Variants in CAPS2 observed in about 807,000 individuals in gnomAD.
CAPS2 encodes calcyphosine 2.
Under a neutral mutation model 86.5 loss-of-function variants are expected in CAPS2, and 98 were observed. That is an observed-to-expected ratio of 1.13 (90% CI 0.96 to 1.34). The LOEUF is 1.34. CAPS2 is among the 40% of genes most tolerant of loss of function. The probability of loss-of-function intolerance (pLI) is 0.00; values close to 1 mark genes in which losing one functional copy is unlikely to be tolerated. For synonymous variants in CAPS2, 210 were observed against 225.1 expected (o/e 0.93, Z 0.60); for missense variants, 729 against 686.8 (o/e 1.06, Z -0.69).
At chr12:75,378,889 G>A (rs554635665) in intron 1 of CAPS2, among the ~76,000 whole-genome samples, 28 of 152,160 alleles carry the variant, frequency 1.8e-4, no homozygotes, top group African/African-American at 6.5e-4. Flanking sequence ...TTTTAGTAAC[G>A]TAAGCTTTCA....
chr12:75,290,816 G>A (rs968602964), intron 13 of CAPS2, among the ~76,000 whole-genome samples: 1 of 151,880 alleles, frequency 6.6e-6, no homozygotes, highest in East Asian at 1.9e-4. Context: ...TGGCTACTCA[G>A]GAGGCTTGAG....
At chr12:75,328,886 A>G (rs1355978523), upstream of CAPS2, among the ~76,000 whole-genome samples, 1 of 152,244 alleles carries the variant, frequency 6.6e-6, no homozygotes, top group Non-Finnish European at 1.5e-5. Context: ...AGATATAGTA[A>G]GAGTATTCAA....
chr12:75,366,703 A>T, intron 1 of CAPS2: 1 of 548,462 alleles, frequency 1.8e-6, no homozygotes, highest in Non-Finnish European at 3.2e-6. Flanking sequence ...TTTGTGTTGC[A>T]GATCAATGTG....
chr12:75,368,505 G>T (rs4882690), intron 1 of CAPS2, among the ~76,000 whole-genome samples: 148,239 of 152,060 alleles, frequency 0.97, 72,281 homozygotes, highest in East Asian at 1. Flanking sequence ...GATGCCCCAG[G>T]AATACAATAT....
intron 1 of CAPS2, among the ~76,000 whole-genome samples, chr12:75,387,362 TAC>T (rs2045345116): frequency 1.3e-5 from 2 of 152,124 alleles, no homozygotes; most frequent in South Asian, 4.1e-4. Context: ...GAAATACCAC[TAC>T]ACACCTTTTA....
intron 14 of CAPS2, among the ~76,000 whole-genome samples, chr12:75,287,110 A>T (rs1270263048): frequency 6.6e-6 from 1 of 150,600 alleles, no homozygotes; most frequent in Non-Finnish European, 1.5e-5. Context: ...ATATATATAT[A>T]TTATATATAT....
At chr12:75,282,154 C>A in intron 16 of CAPS2, 97 bp downstream of exon 16, 1 of 733,970 alleles carries the variant, frequency 1.4e-6, no homozygotes, top group South Asian at 1.6e-5. Context: ...TATTTCCTCC[C>A]TAATGGCCTC....
At chr12:75,294,770 AAGG>A (rs1274993308) in intron 11 of CAPS2, among the ~76,000 whole-genome samples, 2 of 152,162 alleles carry the variant, frequency 1.3e-5, no homozygotes, top group African/African-American at 4.8e-5. Context: ...TCGGGATAGG[AAGG>A]AGGTGAGCCC....
intron 11 of CAPS2, among the ~76,000 whole-genome samples, chr12:75,297,529 C>T (rs2037109660): frequency 6.6e-6 from 1 of 152,092 alleles, no homozygotes; most frequent in South Asian, 2.1e-4. Flanking sequence ...CCTATCCTGC[C>T]CTTGTGTATC....
At chr12:75,306,241 A>C in intron 7 of CAPS2, 3 of 647,842 alleles carry the variant, frequency 4.6e-6, no homozygotes, top group Non-Finnish European at 8.2e-6. Flanking sequence ...CGAACATGCA[A>C]ATCATGGAGT....
chr12:75,350,420 A>G (rs2042728951), intron 1 of CAPS2, among the ~76,000 whole-genome samples: 1 of 152,170 alleles, frequency 6.6e-6, no homozygotes, highest in Non-Finnish European at 1.5e-5. Flanking sequence ...AGGGGTCTCC[A>G]GGCACTGCAT....
Position 75,378,128 on chromosome 12 carries a change from G to C in CAPS2, c.-395+12710C>G, listed in dbSNP as rs1037991024. On this transcript the variant is annotated intron_variant, in intron 1 of 5. Transcript: ENST00000551829. The stretch of plus-strand genomic sequence containing the variant: ...TTCTCCCACCTCAGCCTCCCGAGTA[G>C]CTGGGACCACTGGCACGTGCCACCA... Among the ~76,000 whole-genome samples, 7 of 152,090 alleles carry C rather than the reference G, an allele frequency of 4.6e-5. No homozygotes were observed. The South Asian group carries it at 1.5e-3, about 32-fold the overall frequency.
chr12:75,331,501 T>C (rs1593601292), upstream of CAPS2, among the ~76,000 whole-genome samples: 3 of 151,876 alleles, frequency 2.0e-5, no homozygotes, highest in African/African-American at 7.2e-5. Flanking sequence ...TACCCCCACA[T>C]AGAAAGAAAA....
At chr12:75,343,722 T>C in intron 1 of CAPS2, 2 of 1,611,874 alleles carry the variant, frequency 1.2e-6, no homozygotes, top group Non-Finnish European at 1.7e-6. Context: ...CAAAGATGGC[T>C]AAAGCATGGG....
chr12:75,338,064 T>C (rs769975484), intron 1 of CAPS2, among the ~76,000 whole-genome samples: 14 of 152,108 alleles, frequency 9.2e-5, no homozygotes, highest in African/African-American at 4.8e-5. Flanking sequence ...ACCAATCTTA[T>C]ACAAATCTCT....
chr12:75,330,935 C>A (rs930731826), upstream of CAPS2, among the ~76,000 whole-genome samples: 3 of 152,098 alleles, frequency 2.0e-5, no homozygotes, highest in African/African-American at 7.2e-5. Context: ...CATGCGCCCA[C>A]CACCACGCCC....
chr12:75,334,430 C>CG (rs1382934044), upstream of CAPS2: 28 of 1,162,660 alleles, frequency 2.4e-5, no homozygotes, highest in East Asian at 1.1e-3. Context: ...ACAATCCAGA[C>CG]GCGCTCTGCA....
chr12:75,333,445 T>TAC (rs1261166526), upstream of CAPS2, among the ~76,000 whole-genome samples: 1 of 151,546 alleles, frequency 6.6e-6, no homozygotes, highest in Non-Finnish European at 1.5e-5. Context: ...CACACACACA[T>TAC]ATACACACAC....
chr12:75,279,197 A>C lies in CAPS2; in HGVS notation c.1613-132T>G. ...GAAATCTTTTGTCAAACTACCAGCCAATTTATTTACACATGAACTGGAATT... is the reference window on the plus strand; with the variant it reads ...GAAATCTTTTGTCAAACTACCAGCCCATTTATTTACACATGAACTGGAATT... On this transcript the variant is annotated intron_variant, in intron 16 of 16. Transcript: ENST00000393284. 7 of 827,736 alleles carry C rather than the reference A, an allele frequency of 8.5e-6. No homozygotes were observed. In the South Asian group the frequency reaches 1.4e-4, roughly 16 times the overall value. The allele number at this position is 827,736 out of a possible 1,614,324, so 51.3% of individuals were successfully genotyped here.
Sources: allele counts gnomAD v4.1 joint callset (sites outside exome capture counted in the v4.1 genomes callset), GRCh38; gene constraint gnomAD v4.1.1; transcripts MANE v1.5; gene names NCBI Gene and HGNC (gene_info 2026-07-23, HGNC 2026-07-21).